Variants in CDH1 observed in about 807,000 individuals in gnomAD.
The protein encoded by CDH1 is cadherin 1.
In CDH1, 35 loss-of-function variants were observed where a neutral mutation model predicts 84.5. The ratio of observed to expected loss-of-function variants is 0.41; its 90% confidence interval spans 0.32 to 0.55. CDH1 has a LOEUF of 0.55. Ranked by LOEUF, CDH1 falls within the 20% of genes least tolerant of loss-of-function variation. The pLI is 0.19. For synonymous variants in CDH1, 417 were observed against 439.0 expected, an observed-to-expected ratio of 0.95 and a Z score of 0.63; for missense variants, 994 against 1,126.6, an observed-to-expected ratio of 0.88 and a Z score of 1.68.
At chr16:68,824,337 T>A (rs1276264827) in intron 13 of CDH1, among the ~76,000 whole-genome samples, 1 of 152,154 alleles carries the variant, frequency 6.6e-6, no homozygotes, top group Non-Finnish European at 1.5e-5. Context: ...GGTACTGATG[T>A]TGCAGTTCCT....
chr16:68,769,509 A>G (rs1466446959), intron 2 of CDH1, among the ~76,000 whole-genome samples: 2 of 150,420 alleles, frequency 1.3e-5, no homozygotes, highest in East Asian at 3.9e-4. Context: ...GGGTCTCACT[A>G]TGTTGCCCAG....
In CDH1 at chr16:68,737,500, G is replaced by C. The variant is rs758142398; in HGVS notation, c.48+37G>C. ...CCCCTGACTTGCGAGGGACGCATTC[G>C]GGCCGCAAGCTCCGCGCCCCAGCCC... is the stretch of plus-strand genomic sequence containing the variant. On this transcript the variant is annotated intron_variant, in intron 1 of 15. Coordinates refer to ENST00000261769, the MANE Select transcript of CDH1 (RefSeq NM_004360.5). 4.1e-6 allele frequency: 6 copies of C among 1,470,100 alleles called. No individual in the cohort carries two copies. The South Asian group carries it at 6.1e-5, about 15-fold the overall frequency. The allele number at this position is 1,470,100 out of a possible 1,614,324, so 91.1% of individuals were successfully genotyped here. A position where few individuals can be genotyped will look rare whatever the true frequency, so the allele number is the denominator to read the frequency against.
At chr16:68,759,788 C>T (rs1002574082) in intron 2 of CDH1, among the ~76,000 whole-genome samples, 5 of 152,138 alleles carry the variant, frequency 3.3e-5, no homozygotes, top group Non-Finnish European at 7.3e-5. Flanking sequence ...GCCACCACGC[C>T]GGGCCTGACA....
chr16:68,830,858 G>GT (rs1345479795), intron 15 of CDH1, among the ~76,000 whole-genome samples: 1 of 152,120 alleles, frequency 6.6e-6, no homozygotes, highest in African/African-American at 2.4e-5. Flanking sequence ...GGTTGTGCCT[G>GT]TCTGCAAGGG....
intron 2 of CDH1, among the ~76,000 whole-genome samples, chr16:68,739,411 C>T (rs577677567): frequency 5.3e-5 from 8 of 151,794 alleles, no homozygotes; most frequent in South Asian, 2.1e-4. Context: ...AGCAAGACTC[C>T]GTCTCAAAAA....
intron 2 of CDH1, among the ~76,000 whole-genome samples, chr16:68,773,127 A>G (rs1271225299): frequency 1.3e-5 from 2 of 152,054 alleles, no homozygotes; most frequent in Non-Finnish European, 2.9e-5. Context: ...CCAGGTGTGG[A>G]TGGGTGAGGT....
chr16:68,767,648 G>GTTGT (rs971196447), intron 2 of CDH1, among the ~76,000 whole-genome samples: 14 of 152,148 alleles, frequency 9.2e-5, no homozygotes, highest in African/African-American at 3.4e-4. Context: ...TGTTGTTATT[G>GTTGT]TTGTTTGTTT....
At chr16:68,813,277 G>C (rs750498236) in intron 8 of CDH1, 36 bp from the exon 9 acceptor site, 1 of 1,607,152 alleles carries the variant, frequency 6.2e-7, no homozygotes. Context: ...TAGCAGTCTT[G>C]GTACTTTGTA....
At chr16:68,826,789 G>A (rs1029451812) in intron 13 of CDH1, among the ~76,000 whole-genome samples, 2 of 152,164 alleles carry the variant, frequency 1.3e-5, no homozygotes, top group Admixed American at 6.5e-5. Flanking sequence ...GGACTGTGTA[G>A]CTCCTATAGT....
chr16:68,834,643 G>A lies in CDH1; in HGVS notation c.*1144G>A. ...TTGTGTCTTTGTCTGGCCACATCTT[G>A]ACTAGGTATTGTCTACTCTGAAGAC... is the stretch of plus-strand genomic sequence containing the variant. On this transcript the variant is annotated 3_prime_UTR_variant, in exon 16 of 16. Coordinates refer to ENST00000261769, the MANE Select transcript of CDH1 (RefSeq NM_004360.5). The A allele has an allele frequency of 4.1e-6, 1 of 243,156 alleles. No individual in the cohort carries two copies. The highest frequency in any genetic ancestry group is 8.0e-6 in the Non-Finnish European group (1 of 124,562). 15.1% of individuals were successfully genotyped at this position (243,156 alleles called of 1,614,324 possible).
chr16:68,774,247 G>T (rs934448078), intron 2 of CDH1, among the ~76,000 whole-genome samples: 2 of 152,190 alleles, frequency 1.3e-5, no homozygotes, highest in African/African-American at 4.8e-5. Flanking sequence ...GTTGATGGCT[G>T]GGTGCGGTCG....
chr16:68,804,148 C>T (rs1028202915), intron 3 of CDH1, among the ~76,000 whole-genome samples: 3 of 103,660 alleles, frequency 2.9e-5, no homozygotes, highest in Non-Finnish European at 5.2e-5. Context: ...GAGTCTCGCT[C>T]TGTCACCCAG....
At position 68,810,206 on chromosome 16, in the gene CDH1, C is replaced by T. The variant is rs1352098199; in HGVS notation, c.697C>T (p.His233Tyr). 6.2e-7 allele frequency: 1 copy of T among 1,614,204 alleles called. No homozygotes were observed. ...ERIATYTLFS[H>Y]AVSSNGNAVE... is the part of the protein sequence containing the mutation. Reference sequence around the variant, plus strand: ...CACTTGGTTCTTTCAGCTCTTCTCTCACGCTGTGTCATCCAACGGGAATGC... The same window carrying T: ...CACTTGGTTCTTTCAGCTCTTCTCTTACGCTGTGTCATCCAACGGGAATGC... The change falls in exon 6 of 16, where the codon CAC (histidine) becomes TAC (tyrosine). Residue 233 changes from histidine to tyrosine, a missense_variant. By Grantham distance (83) the His-to-Tyr change is moderately conservative. Coordinates refer to ENST00000261769, the MANE Select transcript of CDH1 (RefSeq NM_004360.5).
Position 68,757,784 on chromosome 16 carries a change from TCC to T in CDH1, c.163+19374_163+19375del, listed in dbSNP as rs1451625125. On this transcript the variant is annotated intron_variant, in intron 2 of 15. Transcript: ENST00000261769. ...CTCTCTCTCTCCTTCCTTCCTTCCT[TCC>T]TTCCTTTCTTTCTTTCTTTTTTTTG... Among the ~76,000 whole-genome samples the T allele has an allele frequency of 4.0e-4, 61 of 150,802 alleles. No homozygotes were observed. The South Asian group carries it at 6.3e-3, about 16-fold the overall frequency.
intron 2 of CDH1, among the ~76,000 whole-genome samples, chr16:68,756,995 G>A (rs1023009689): frequency 4.6e-5 from 7 of 152,224 alleles, no homozygotes; most frequent in African/African-American, 1.7e-4. Context: ...AGAGCGAGAC[G>A]CTCTCTCAAA....
At position 68,835,071 on chromosome 16, in the gene CDH1, C is replaced by T. The variant is rs763723331; in HGVS notation, c.*1572C>T. 8.6e-6 allele frequency: 2 copies of T among 231,726 alleles called. No individual in the cohort carries two copies. The highest frequency in any genetic ancestry group is 1.7e-5 in the Non-Finnish European group (2 of 117,172). The allele number at this position is 231,726 out of a possible 1,614,324, so 14.4% of individuals were successfully genotyped here. A position where few individuals can be genotyped will look rare whatever the true frequency, so the allele number is the denominator to read the frequency against. On this transcript the variant is annotated 3_prime_UTR_variant, in exon 16 of 16. Coordinates refer to ENST00000261769, the MANE Select transcript of CDH1 (RefSeq NM_004360.5). ...ATGTCTACAGAAAATGCTGGCTGAGCTGAACACATTTGCCCAATTCCAGGT... is the reference window on the plus strand; with the variant it reads ...ATGTCTACAGAAAATGCTGGCTGAGTTGAACACATTTGCCCAATTCCAGGT...
chr16:68,757,117 C>A (rs990555109), intron 2 of CDH1, among the ~76,000 whole-genome samples: 2 of 152,160 alleles, frequency 1.3e-5, no homozygotes, highest in Non-Finnish European at 2.9e-5. Context: ...GAGACAGAGT[C>A]TTGCTCTGTC....
At chr16:68,821,885 G>A in intron 11 of CDH1, 116 bp from the exon 12 acceptor site, 1 of 803,856 alleles carries the variant, frequency 1.2e-6, no homozygotes, top group South Asian at 1.4e-5. Flanking sequence ...GGTGGAGTGG[G>A]GCCTGGTGAG....
chr16:68,809,996 T>G (rs1597892120), intron 5 of CDH1, among the ~76,000 whole-genome samples: 1 of 151,524 alleles, frequency 6.6e-6, no homozygotes, highest in South Asian at 2.1e-4. Flanking sequence ...CCGTGGGGGG[T>G]GTTCTCCAGC....
Sources: gnomAD v4.1 joint callset for allele counts (sites outside exome capture counted in the v4.1 genomes callset) on GRCh38, gnomAD v4.1.1 for gene constraint, MANE v1.5 for transcripts, NCBI Gene and HGNC (gene_info 2026-07-23, HGNC 2026-07-21) for gene names.